Variants in AGBL3 observed in about 807,000 individuals in gnomAD.
The protein encoded by AGBL3 is AGBL carboxypeptidase 3, also known as cytosolic carboxypeptidase 3.
AGBL3 carries 68 observed loss-of-function variants against 94.5 expected under a neutral mutation model. The observed-to-expected ratio is 0.72, with a 90% CI of 0.59 to 0.88. The LOEUF (loss-of-function observed/expected upper bound fraction) is 0.88. Among genes scored for constraint, AGBL3 ranks in the 40% least tolerant of loss-of-function variants. The pLI, the probability that AGBL3 is intolerant of heterozygous loss-of-function variation, is 0.00. For synonymous variants in AGBL3, 354 were observed against 370.7 expected (o/e 0.95, Z 0.52); for missense variants, 934 against 1,103.8 (o/e 0.85, Z 2.18).
intron 13 of AGBL3, among the ~76,000 whole-genome samples, chr7:135,077,160 G>A (rs1270476498): frequency 2.4e-5 from 3 of 126,752 alleles, no homozygotes; most frequent in Non-Finnish European, 5.3e-5. Context: ...GAGGATATCA[G>A]TATGTCTTAT....
At chr7:135,013,424 C>T (rs1813393801) in intron 4 of AGBL3, among the ~76,000 whole-genome samples, 1 of 152,132 alleles carries the variant, frequency 6.6e-6, no homozygotes, top group Non-Finnish European at 1.5e-5. Context: ...AAAGACATAA[C>T]TATTATGTCC....
intron 15 of AGBL3, among the ~76,000 whole-genome samples, chr7:135,096,144 T>G (rs1406007696): frequency 8.5e-6 from 1 of 118,148 alleles, no homozygotes; most frequent in African/African-American, 2.9e-5. Flanking sequence ...AGAGACAGAC[T>G]CTCTCTCAAA....
chr7:135,100,505 T>G (rs1823669736), intron 15 of AGBL3, among the ~76,000 whole-genome samples: 1 of 152,178 alleles, frequency 6.6e-6, no homozygotes, highest in Non-Finnish European at 1.5e-5. Flanking sequence ...CCAACTAGAT[T>G]TGTACAACAG....
intron 11 of AGBL3, among the ~76,000 whole-genome samples, chr7:135,056,789 A>G (rs1163636166): frequency 6.6e-6 from 1 of 152,160 alleles, no homozygotes; most frequent in Non-Finnish European, 1.5e-5. Context: ...GGAAGATGAT[A>G]TTGTTAAGAT....
intron 12 of AGBL3, among the ~76,000 whole-genome samples, chr7:135,059,745 G>A (rs533052085): frequency 7.2e-5 from 11 of 152,138 alleles, no homozygotes; most frequent in African/African-American, 1.9e-4. Context: ...AAGCAGGAGC[G>A]GGAATAAAGA....
At position 135,017,122 on chromosome 7, in the gene AGBL3, C is replaced by T. The variant is rs891399771; in HGVS notation, c.381C>T (p.Asp127=). The change falls in exon 5 of 17, where the codon GAC becomes GAT. Residue 127 remains aspartate (D), a synonymous_variant. Transcript: ENST00000436302. The part of the protein sequence containing the change: ...TGLETEPLYP[D]SKEATVVYLA... ...TAGAAACGGAACCCCTTTATCCAGA[C>T]TCCAAGGAAGCTACTGTGGTTTATC... The T allele has an allele frequency of 5.2e-6, 8 of 1,550,658 alleles. No homozygotes were observed. The African/African-American group carries it at 1.1e-4, about 21-fold the overall frequency.
intron 4 of AGBL3, among the ~76,000 whole-genome samples, chr7:135,014,197 GA>G (rs58580550): frequency 1.5e-5 from 1 of 65,528 alleles, no homozygotes; most frequent in Admixed American, 2.1e-4. Flanking sequence ...CTCTGTCTCT[GA>G]AAAAAAAAAA....
At chr7:135,099,797 T>A (rs1823488969) in intron 15 of AGBL3, among the ~76,000 whole-genome samples, 1 of 151,972 alleles carries the variant, frequency 6.6e-6, no homozygotes, top group South Asian at 2.1e-4. Context: ...AAGATTTCGC[T>A]ATCCCCAGAC....
intron 9 of AGBL3, among the ~76,000 whole-genome samples, chr7:135,044,641 A>G (rs1485147132): frequency 2.0e-5 from 3 of 152,282 alleles, no homozygotes; most frequent in African/African-American, 7.2e-5. Context: ...TAATTGTCAC[A>G]TTATCAGAAA....
chr7:135,056,753 GGA>G (rs1395859348), intron 11 of AGBL3, among the ~76,000 whole-genome samples: 1 of 152,086 alleles, frequency 6.6e-6, no homozygotes, highest in African/African-American at 2.4e-5. Flanking sequence ...CTAAATAAAT[GGA>G]GAGAGAGTTT....
chr7:135,078,816 C>T lies in AGBL3; in HGVS notation c.1981-1387C>T, dbSNP rs576947086. ...GATTGTGGTCACTTACCTTGAAATT[C>T]CTACTCCTCTTTCACAAAAAGAGTG... On this transcript the variant is annotated intron_variant, in intron 13 of 16. Coordinates refer to ENST00000436302, the MANE Select transcript of AGBL3 (RefSeq NM_178563.4). Among the ~76,000 whole-genome samples the T allele has an allele frequency of 7.7e-4, 117 of 152,202 alleles. 1 individual carries two copies. The highest frequency in any genetic ancestry group is 2.3e-3 in the Admixed American group (35 of 15,290).
chr7:135,067,436 G>T (rs1012248202), intron 12 of AGBL3, among the ~76,000 whole-genome samples: 6 of 152,344 alleles, frequency 3.9e-5, no homozygotes, highest in African/African-American at 1.4e-4. Flanking sequence ...CGAGCAGACT[G>T]CCTCCTCAAG....
intron 4 of AGBL3, among the ~76,000 whole-genome samples, chr7:135,001,244 A>G (rs1811676881): frequency 6.6e-6 from 1 of 152,230 alleles, no homozygotes; most frequent in Non-Finnish European, 1.5e-5. Flanking sequence ...ACATTAGGAT[A>G]TCACCAACAG....
At chr7:135,028,319 CT>C (rs1815367726) in intron 5 of AGBL3, among the ~76,000 whole-genome samples, 1 of 148,814 alleles carries the variant, frequency 6.7e-6, no homozygotes, top group Non-Finnish European at 1.5e-5. Context: ...AGTAAAACTT[CT>C]TTCAAAATTG....
intron 4 of AGBL3, among the ~76,000 whole-genome samples, chr7:135,013,011 T>TA (rs1813349814): frequency 6.6e-6 from 1 of 152,124 alleles, no homozygotes; most frequent in African/African-American, 2.4e-5. Context: ...CCACAGTCTA[T>TA]AAAAAATATT....
At chr7:135,090,350 G>A (rs1821673242) in intron 15 of AGBL3, among the ~76,000 whole-genome samples, 1 of 152,162 alleles carries the variant, frequency 6.6e-6, no homozygotes, top group African/African-American at 2.4e-5. Flanking sequence ...CAGACTCTAA[G>A]GGGCTAGTTC....
rs1387796555 is a variant in AGBL3 at position 135,076,408 on chromosome 7, G to A, written c.1920G>A (p.Leu640=). Reference sequence around the variant, plus strand: ...GATTCTTTTACTAGAAAAAACATTTGAAAACAAAGAAGGAAAGGAATTCTA... The same window carrying A: ...GATTCTTTTACTAGAAAAAACATTTAAAAACAAAGAAGGAAAGGAATTCTA... ...LLKLTSQKKH[L]KTKKERNSTI... Residue 640 remains leucine (L), a synonymous_variant, in exon 13 of 17, where the codon TTG becomes TTA. Coordinates refer to ENST00000436302, the MANE Select transcript of AGBL3 (RefSeq NM_178563.4). 6.5e-7 allele frequency: 1 copy of A among 1,546,148 alleles called. No homozygotes were observed. The highest frequency in any genetic ancestry group is 8.8e-7 in the Non-Finnish European group (1 of 1,142,558).
chr7:135,076,132 G>A lies in AGBL3; in HGVS notation c.1909-265G>A, dbSNP rs950402416. Among the ~76,000 whole-genome samples, 6 of 152,106 alleles carry A rather than the reference G, an allele frequency of 3.9e-5. No individual in the cohort carries two copies. In the South Asian group the frequency reaches 6.2e-4, roughly 16 times the overall value. On this transcript the variant is annotated intron_variant, in intron 12 of 16. Transcript: ENST00000436302. ...TTGCTGGCCTCTCCAGCTTTAAAGC[G>A]AGAATATATGAAGCAAAAAGAAAAC... is the stretch of plus-strand genomic sequence containing the variant.
chr7:135,093,534 T>C (rs1822182684), intron 15 of AGBL3: 1 of 152,056 alleles, frequency 6.6e-6, no homozygotes, highest in African/African-American at 2.4e-5. Flanking sequence ...ACAAAATACT[T>C]AGGAATAAAT....
Sources: allele counts gnomAD v4.1 joint callset (sites outside exome capture counted in the v4.1 genomes callset), GRCh38; gene constraint gnomAD v4.1.1; transcripts MANE v1.5; gene names NCBI Gene and HGNC (gene_info 2026-07-23, HGNC 2026-07-21).